Variants in GRIN3A observed in about 807,000 individuals in gnomAD.
GRIN3A encodes the protein glutamate receptor ionotropic, NMDA 3A.
In GRIN3A, 47 loss-of-function variants were observed where a neutral mutation model predicts 92.4. The observed-to-expected ratio is 0.51, with a 90% CI of 0.40 to 0.65. The LOEUF is 0.65. Ranked by LOEUF, GRIN3A falls within the 30% of genes least tolerant of loss-of-function variation. The probability of loss-of-function intolerance (pLI) is 0.00; values close to 1 mark genes in which losing one functional copy is unlikely to be tolerated. For missense variants in GRIN3A, 1,324 were observed against 1,393.1 expected, an observed-to-expected ratio of 0.95 and a Z score of 0.79; for synonymous variants, 527 against 540.6, an observed-to-expected ratio of 0.97 and a Z score of 0.35.
At chr9:101,694,954 T>C (rs2485523) in intron 1 of GRIN3A, among the ~76,000 whole-genome samples, 118,853 of 152,108 alleles carry the variant, frequency 0.78, 46,826 homozygotes, top group Middle Eastern at 0.84. Flanking sequence ...TAGAAAGAGG[T>C]GGCTTTATTT....
At position 101,686,634 on chromosome 9, in the gene GRIN3A, C is replaced by A; in HGVS notation, c.1266G>T (p.Val422=). ...LIPSTMNCME[V]ETTNLTSGQY... is the part of the protein sequence containing the mutation. ...GTCCTGAAGTGAGATTTGTAGTTTC[C>A]ACCTCCATGCAGTTCATCGTGCTGG... Residue 422 remains valine, a synonymous_variant, in exon 2 of 9, where the codon GTG becomes GTT. Transcript: ENST00000361820. The A allele has an allele frequency of 1.9e-6, 3 of 1,614,086 alleles. No individual in the cohort carries two copies. The highest frequency in any genetic ancestry group is 2.5e-6 in the Non-Finnish European group (3 of 1,180,020).
intron 6 of GRIN3A, among the ~76,000 whole-genome samples, chr9:101,596,278 T>C (rs574025040): frequency 1.7e-4 from 26 of 152,342 alleles, no homozygotes; most frequent in African/African-American, 6.0e-4. Flanking sequence ...TCCATGGATA[T>C]GTTTTAAAGC....
chr9:101,724,720 G>C (rs1830064520), intron 1 of GRIN3A, among the ~76,000 whole-genome samples: 1 of 152,202 alleles, frequency 6.6e-6, no homozygotes, highest in Non-Finnish European at 1.5e-5. Context: ...AGGGATTTCT[G>C]ATTTTGCTTT....
At chr9:101,724,109 C>T (rs1432648044) in intron 1 of GRIN3A, among the ~76,000 whole-genome samples, 2 of 152,336 alleles carry the variant, frequency 1.3e-5, no homozygotes, top group East Asian at 3.9e-4. Flanking sequence ...CCACGCTGTG[C>T]GCCCGCACTC....
chr9:101,626,556 C>T (rs886850181), intron 4 of GRIN3A, among the ~76,000 whole-genome samples: 2 of 152,106 alleles, frequency 1.3e-5, no homozygotes, highest in African/African-American at 4.8e-5. Context: ...GGTGAGAGGG[C>T]ATTAATGATA....
chr9:101,594,788 G>C lies in GRIN3A; in HGVS notation c.2767-15428C>G, dbSNP rs772939200. 4.3e-6 allele frequency: 7 copies of C among 1,613,486 alleles called. No individual in the cohort carries two copies. The East Asian group carries it at 1.6e-4, about 36-fold the overall frequency. On this transcript the variant is annotated intron_variant, in intron 6 of 8. Transcript: ENST00000361820. Reference sequence around the variant, plus strand: ...CGGGTTGTGGCGCAGCTCCGGCAGGGACATGAACTCCTCCACGCTCAGAGA... The same window carrying C: ...CGGGTTGTGGCGCAGCTCCGGCAGGCACATGAACTCCTCCACGCTCAGAGA...
intron 3 of GRIN3A, among the ~76,000 whole-genome samples, chr9:101,644,477 AAC>A (rs1828910425): frequency 1.3e-5 from 2 of 150,564 alleles, no homozygotes; most frequent in South Asian, 4.1e-4. Flanking sequence ...AAAAAAAAAA[AAC>A]ACAGTGTGAA....
intron 5 of GRIN3A, among the ~76,000 whole-genome samples, chr9:101,616,673 T>C (rs983835709): frequency 7.2e-6 from 1 of 138,580 alleles, no homozygotes; most frequent in Admixed American, 7.9e-5. Context: ...TTCTCACTTA[T>C]AGGTGGGAGT....
intron 3 of GRIN3A, among the ~76,000 whole-genome samples, chr9:101,657,632 AAC>A (rs1364916569): frequency 6.6e-6 from 1 of 151,930 alleles, no homozygotes; most frequent in East Asian, 1.9e-4. Context: ...GGAGATGTCT[AAC>A]TGCAGGGGAG....
intron 3 of GRIN3A, among the ~76,000 whole-genome samples, chr9:101,650,495 C>T (rs1329397104): frequency 6.6e-6 from 1 of 152,050 alleles, no homozygotes; most frequent in Non-Finnish European, 1.5e-5. Context: ...AGCCACATCA[C>T]CACAGCAAAT....
At chr9:101,596,890 T>C (rs1016737661) in intron 6 of GRIN3A, among the ~76,000 whole-genome samples, 5 of 152,186 alleles carry the variant, frequency 3.3e-5, no homozygotes, top group Non-Finnish European at 5.9e-5. Context: ...AGTTATGTAA[T>C]TTGCAGTGTC....
At chr9:101,678,705 G>A (rs1347719293) in intron 2 of GRIN3A, among the ~76,000 whole-genome samples, 1 of 152,094 alleles carries the variant, frequency 6.6e-6, no homozygotes, top group East Asian at 1.9e-4. Flanking sequence ...ATGTGGTGGG[G>A]TCATAATTTA....
At position 101,711,058 on chromosome 9, in the gene GRIN3A, C is replaced by T. The variant is rs554234980; in HGVS notation, c.700-23858G>A. On this transcript the variant is annotated intron_variant, in intron 1 of 8. Coordinates refer to ENST00000361820, the MANE Select transcript of GRIN3A (RefSeq NM_133445.3). ...GGCCTCTCTCTCTTAAAATATCTTA[C>T]TGTACTGTACTCACCCTCGTCCTTC... Among the ~76,000 whole-genome samples, 38 of 152,268 alleles carry T rather than the reference C, an allele frequency of 2.5e-4. No homozygotes were observed. The South Asian group carries it at 3.3e-3, about 13-fold the overall frequency.
intron 6 of GRIN3A, among the ~76,000 whole-genome samples, chr9:101,585,411 G>T (rs1045347379): frequency 6.6e-6 from 1 of 152,106 alleles, no homozygotes; most frequent in Non-Finnish European, 1.5e-5. Flanking sequence ...ACTCCCAAGA[G>T]TTGGGGGCTT....
At chr9:101,634,119 G>C (rs2118888824) in intron 3 of GRIN3A, among the ~76,000 whole-genome samples, 1 of 152,132 alleles carries the variant, frequency 6.6e-6, no homozygotes, top group African/African-American at 2.4e-5. Context: ...GGATCACGAG[G>C]TCAGGAGATC....
At chr9:101,587,408 T>C (rs914768707) in intron 6 of GRIN3A, among the ~76,000 whole-genome samples, 1 of 152,066 alleles carries the variant, frequency 6.6e-6, no homozygotes, top group African/African-American at 2.4e-5. Context: ...GAGGTGTGAA[T>C]ATAACTTCTT....
At chr9:101,582,525 G>A (rs1241428125) in intron 6 of GRIN3A, among the ~76,000 whole-genome samples, 1 of 152,160 alleles carries the variant, frequency 6.6e-6, no homozygotes, top group East Asian at 1.9e-4. Flanking sequence ...GAGGTACTAG[G>A]GATTTTCCTG....
At chr9:101,637,921 A>C (rs1828805855) in intron 3 of GRIN3A, among the ~76,000 whole-genome samples, 1 of 152,088 alleles carries the variant, frequency 6.6e-6, no homozygotes, top group South Asian at 2.1e-4. Context: ...GAAAAATCCT[A>C]ACTCAGGGCT....
intron 3 of GRIN3A, among the ~76,000 whole-genome samples, chr9:101,667,684 G>T (rs1376188119): frequency 6.6e-6 from 1 of 152,028 alleles, no homozygotes; most frequent in East Asian, 1.9e-4. Context: ...GGTATAATAA[G>T]AGTACATTCT....
Sources: allele counts gnomAD v4.1 joint callset (sites outside exome capture counted in the v4.1 genomes callset), GRCh38; gene constraint gnomAD v4.1.1; transcripts MANE v1.5; gene names NCBI Gene and HGNC (gene_info 2026-07-23, HGNC 2026-07-21).